SEPTIN2: variants seen among roughly 807,000 people sequenced by gnomAD.
SEPTIN2 encodes the protein septin-2.
Under a neutral mutation model 46.5 loss-of-function variants are expected in SEPTIN2, and 34 were observed. The observed-to-expected ratio is 0.73, with a 90% CI of 0.56 to 0.97. SEPTIN2 has a LOEUF of 0.97. SEPTIN2 is among the 50% of genes least tolerant of loss of function. The probability of loss-of-function intolerance (pLI) is 0.00; values close to 1 mark genes in which losing one functional copy is unlikely to be tolerated. For synonymous variants in SEPTIN2, 175 were observed against 153.4 expected (o/e 1.14, Z -1.04); for missense variants, 347 against 448.4 (o/e 0.77, Z 2.04).
intron 7 of SEPTIN2, among the ~76,000 whole-genome samples, chr2:241,339,175 C>G (rs2080903428): frequency 6.7e-6 from 1 of 149,872 alleles, no homozygotes; most frequent in Admixed American, 6.8e-5. Flanking sequence ...AGGCACATCA[C>G]CAGAGGTCAG....
Position 241,348,162 on chromosome 2 carries a change from G to A in SEPTIN2, c.955G>A (p.Asp319Asn). The A allele has an allele frequency of 6.2e-7, 1 of 1,613,294 alleles. No homozygotes were observed. The highest frequency in any genetic ancestry group is 8.5e-7 in the Non-Finnish European group (1 of 1,179,606). ...AGTGGAGAATGAGGACATGAATAAA[G>A]ACCAGATCTTGCTGGAAAAAGAAGC... ...RKVENEDMNKDQILLEKEAEL... is the reference protein window; with the variant it reads ...RKVENEDMNKNQILLEKEAEL... The change falls in exon 11 of 13, where the codon GAC (aspartate) becomes AAC (asparagine). Residue 319 changes from aspartate to asparagine, a missense_variant. Transcript: ENST00000391971.
chr2:241,327,508 CAA>C (rs573510324), intron 3 of SEPTIN2, among the ~76,000 whole-genome samples: 4 of 125,452 alleles, frequency 3.2e-5, no homozygotes, highest in Non-Finnish European at 1.7e-5. Flanking sequence ...GACAGGAAAG[CAA>C]AAAAAAAAAA....
At chr2:241,343,694 C>G (rs2081576797) in intron 8 of SEPTIN2, 58 bp from the exon 9 acceptor site, 1 of 1,593,702 alleles carries the variant, frequency 6.3e-7, no homozygotes, top group Non-Finnish European at 8.6e-7. Context: ...TCTCGTGTTG[C>G]CAGTGAACTC....
At position 241,353,044 on chromosome 2, in the gene SEPTIN2, T is replaced by A. The variant is rs913929885; in HGVS notation, c.*1107T>A. 1.3e-5 allele frequency: 2 copies of A among 152,248 alleles called. No homozygotes were observed. Among genetic ancestry groups the A allele is most frequent in the African/African-American group, 4.8e-5 (2 of 41,458 alleles). 9.4% of individuals were successfully genotyped at this position (152,248 alleles called of 1,614,324 possible). A position where few individuals can be genotyped will look rare whatever the true frequency, so the allele number is the denominator to read the frequency against. On this transcript the variant is annotated 3_prime_UTR_variant, in exon 13 of 13. Coordinates refer to ENST00000391971, the MANE Select transcript of SEPTIN2 (RefSeq NM_004404.5). ...CCTGAACCTCTGATGCCTACCGGGTTCTCCTGATTTGAGTTTCCTTTAAAT... is the reference window on the plus strand; with the variant it reads ...CCTGAACCTCTGATGCCTACCGGGTACTCCTGATTTGAGTTTCCTTTAAAT...
intron 3 of SEPTIN2, among the ~76,000 whole-genome samples, chr2:241,333,309 G>A (rs996057391): frequency 2.0e-5 from 3 of 152,074 alleles, no homozygotes; most frequent in Non-Finnish European, 2.9e-5. Context: ...TTAAAATTTT[G>A]TCAGACTTCT....
chr2:241,330,117 A>G (rs763784122), intron 3 of SEPTIN2, among the ~76,000 whole-genome samples: 1 of 152,228 alleles, frequency 6.6e-6, no homozygotes, highest in Non-Finnish European at 1.5e-5. Flanking sequence ...CGAGCTAGAC[A>G]TGGACATCTT....
intron 7 of SEPTIN2, among the ~76,000 whole-genome samples, chr2:241,339,638 C>G (rs1329505193): frequency 6.6e-6 from 1 of 152,176 alleles, no homozygotes; most frequent in Non-Finnish European, 1.5e-5. Context: ...ATTTGGCTTA[C>G]TTTTTGTTTT....
At chr2:241,348,012 C>G in intron 10 of SEPTIN2, 122 bp from the exon 11 acceptor site, 1 of 725,508 alleles carries the variant, frequency 1.4e-6, no homozygotes, top group Non-Finnish European at 2.3e-6. Context: ...GAGACACCAT[C>G]TCAATATAAA....
intron 9 of SEPTIN2, among the ~76,000 whole-genome samples, chr2:241,345,470 C>G (rs904762983): frequency 1.3e-5 from 2 of 152,178 alleles, no homozygotes; most frequent in Admixed American, 1.3e-4. Flanking sequence ...GTGTTTCTCA[C>G]AATGAGGTAG....
chr2:241,333,286 G>A (rs1046161567), intron 3 of SEPTIN2, among the ~76,000 whole-genome samples: 3 of 152,042 alleles, frequency 2.0e-5, no homozygotes, highest in Non-Finnish European at 4.4e-5. Flanking sequence ...CTATTGAAGA[G>A]GAAAGGCAGT....
chr2:241,324,112 G>A, intron 1 of SEPTIN2, 104 bp from the exon 2 acceptor site: 1 of 1,017,752 alleles, frequency 9.8e-7, no homozygotes, highest in Non-Finnish European at 1.5e-6. Flanking sequence ...GCCTATGTAT[G>A]TGTAAGTCTT....
At chr2:241,326,185 A>G (rs2077934629) in intron 3 of SEPTIN2, 72 bp downstream of exon 3, 5 of 1,421,302 alleles carry the variant, frequency 3.5e-6, no homozygotes, top group African/African-American at 1.4e-5. Context: ...GAGTATGATA[A>G]CGTGACCTAT....
chr2:241,316,646 C>T, intron 1 of SEPTIN2: 5 of 910,868 alleles, frequency 5.5e-6, no homozygotes, highest in Non-Finnish European at 7.8e-6. Context: ...TCCGTGGTCT[C>T]AGTGGAGTCC....
chr2:241,325,688 T>G (rs934629672), intron 2 of SEPTIN2, among the ~76,000 whole-genome samples: 18 of 152,222 alleles, frequency 1.2e-4, no homozygotes, highest in Admixed American at 7.2e-4. Flanking sequence ...GAAATTGCAT[T>G]AAGATGTATT....
chr2:241,334,504 A>C (rs2079573049), intron 3 of SEPTIN2, among the ~76,000 whole-genome samples: 1 of 152,228 alleles, frequency 6.6e-6, no homozygotes, highest in African/African-American at 2.4e-5. Context: ...TAGTCGTGTG[A>C]ACTCAACAAA....
At position 241,326,030 on chromosome 2, in the gene SEPTIN2, G is replaced by C; in HGVS notation, c.47G>C (p.Gly16Ala). ...PTQFINPETPGYVGFANLPNQ... is the reference protein window; with the variant it reads ...PTQFINPETPAYVGFANLPNQ... ...CAGTTTATAAATCCAGAAACACCTG[G>C]CTATGTTGGATTTGCAAACCTCCCC... The change falls in exon 3 of 13, where the codon GGC becomes GCC. Residue 16 changes from glycine (G) to alanine (A), a missense_variant. Gly to Ala is a moderately conservative substitution (Grantham distance 60). Transcript: ENST00000391971. 6.2e-7 allele frequency: 1 copy of C among 1,613,482 alleles called. No homozygotes were observed. Among genetic ancestry groups the C allele is most frequent in the Non-Finnish European group, 8.5e-7 (1 of 1,179,710 alleles).
chr2:241,336,333 T>A, intron 5 of SEPTIN2: 2 of 487,134 alleles, frequency 4.1e-6, no homozygotes, highest in South Asian at 5.6e-5. Flanking sequence ...CATAGACTGC[T>A]AGTATAAATG....
chr2:241,336,490 A>G, intron 5 of SEPTIN2: 1 of 188,070 alleles, frequency 5.3e-6, no homozygotes, highest in Non-Finnish European at 1.1e-5. Context: ...CAAATAAGGA[A>G]ATGAAGAAGT....
In SEPTIN2 at chr2:241,353,934, G is replaced by A. The variant is rs1016467056; in HGVS notation, c.*1997G>A. On this transcript the variant is annotated 3_prime_UTR_variant, in exon 13 of 13. Transcript: ENST00000391971. Reference sequence around the variant, plus strand: ...TACTAAGACATAGTCTCTACCTATAGAAATGTATTTTGAAAACACTTATTT... The same window carrying A: ...TACTAAGACATAGTCTCTACCTATAAAAATGTATTTTGAAAACACTTATTT... 2 of 152,548 alleles carry A rather than the reference G, an allele frequency of 1.3e-5. No individual in the cohort carries two copies. Among genetic ancestry groups the A allele is most frequent in the Non-Finnish European group, 2.9e-5 (2 of 68,028 alleles). 9.4% of individuals were successfully genotyped at this position (152,548 alleles called of 1,614,324 possible).
Sources: gnomAD v4.1 joint callset for allele counts (sites outside exome capture counted in the v4.1 genomes callset) on GRCh38, gnomAD v4.1.1 for gene constraint, MANE v1.5 for transcripts, NCBI Gene and HGNC (gene_info 2026-07-23, HGNC 2026-07-21) for gene names.